TANC2: variants seen among roughly 807,000 people sequenced by gnomAD.
TANC2 encodes the protein protein TANC2.
In TANC2, 26 loss-of-function variants were observed where a neutral mutation model predicts 210.5. That is an observed-to-expected ratio of 0.12 (90% CI 0.09 to 0.17). TANC2 has a LOEUF of 0.17. Ranked by LOEUF, TANC2 falls within the 10% of genes least tolerant of loss-of-function variation. The pLI is 1.00. For synonymous variants in TANC2, 931 were observed against 967.1 expected, an observed-to-expected ratio of 0.96 and a Z score of 0.69; for missense variants, 2,129 against 2,608.9, an observed-to-expected ratio of 0.82 and a Z score of 4.01.
At chr17:63,022,042 T>A (rs1476372922) in intron 2 of TANC2, among the ~76,000 whole-genome samples, 1 of 152,044 alleles carries the variant, frequency 6.6e-6, no homozygotes, top group Non-Finnish European at 1.5e-5. Flanking sequence ...AAGGTGGAAT[T>A]TAAGAATGAC....
chr17:63,292,069 T>C (rs2044398300), intron 9 of TANC2, among the ~76,000 whole-genome samples: 1 of 152,170 alleles, frequency 6.6e-6, no homozygotes. Context: ...GCTTTAAACA[T>C]TTTAAGTTTG....
rs182755403 is a variant in TANC2 at position 63,048,520 on chromosome 17, C to T, written c.68-25423C>T. On this transcript the variant is annotated intron_variant, in intron 2 of 27. Coordinates refer to ENST00000689528, the Ensembl canonical transcript of TANC2. Reference sequence around the variant, plus strand: ...GGATCCAGTTTCAGTCTTCTTCATACGGCTAGCCAGTTATCCCAGTACCAT... The same window carrying T: ...GGATCCAGTTTCAGTCTTCTTCATATGGCTAGCCAGTTATCCCAGTACCAT... Among the ~76,000 whole-genome samples, 39 of 152,218 alleles carry T rather than the reference C, an allele frequency of 2.6e-4. No individual in the cohort carries two copies. In the South Asian group the frequency reaches 5.2e-3, roughly 20 times the overall value.
intron 5 of TANC2, among the ~76,000 whole-genome samples, chr17:63,183,084 C>G (rs2040846538): frequency 6.6e-6 from 1 of 151,682 alleles, no homozygotes; most frequent in Non-Finnish European, 1.5e-5. Context: ...TTTTTTTAAA[C>G]TTCAAAATAG....
intron 2 of TANC2, among the ~76,000 whole-genome samples, chr17:63,025,529 C>G (rs1347758145): frequency 1.3e-5 from 2 of 152,132 alleles, no homozygotes; most frequent in African/African-American, 2.4e-5. Flanking sequence ...GGCATGGTAG[C>G]TCACGCCTGT....
intron 2 of TANC2, among the ~76,000 whole-genome samples, chr17:63,012,170 C>T (rs1256589674): frequency 6.6e-6 from 1 of 151,976 alleles, no homozygotes; most frequent in Non-Finnish European, 1.5e-5. Flanking sequence ...GTGTACACCA[C>T]CACACCTAGC....
intron 10 of TANC2, 92 bp from the exon 11 acceptor site, chr17:63,318,865 A>T: frequency 7.0e-7 from 1 of 1,434,492 alleles, no homozygotes; most frequent in Non-Finnish European, 9.7e-7. Flanking sequence ...TAGGAGCAGA[A>T]TTGTTAGATC....
At chr17:63,355,880 T>C (rs569907868) in intron 14 of TANC2, among the ~76,000 whole-genome samples, 2 of 152,332 alleles carry the variant, frequency 1.3e-5, no homozygotes, top group Admixed American at 6.5e-5. Flanking sequence ...AAATACAATC[T>C]TAAACCTCCT....
At chr17:63,284,930 G>T (rs2044175143) in intron 9 of TANC2, among the ~76,000 whole-genome samples, 1 of 151,944 alleles carries the variant, frequency 6.6e-6, no homozygotes, top group Admixed American at 6.6e-5. Flanking sequence ...GTGTATTTAG[G>T]ACTGTTATGT....
At chr17:63,139,057 G>T (rs1270457256) in intron 4 of TANC2, among the ~76,000 whole-genome samples, 3 of 152,206 alleles carry the variant, frequency 2.0e-5, no homozygotes, top group Non-Finnish European at 4.4e-5. Flanking sequence ...TTTTTTAAGA[G>T]GAGACTGCTC....
chr17:63,225,370 C>A (rs114689306), intron 7 of TANC2, among the ~76,000 whole-genome samples: 8 of 152,216 alleles, frequency 5.3e-5, no homozygotes, highest in African/African-American at 1.9e-4. Context: ...TGTGTTTCAA[C>A]GGGTGTCATT....
chr17:63,232,456 T>G lies in TANC2; in HGVS notation c.770-5358T>G, dbSNP rs545441953. Reference sequence around the variant, plus strand: ...GGGTTTTTGTGGGGACATTTTTTGCTAATGCTGTTGTTGTTGCTTTCTGTT... The same window carrying G: ...GGGTTTTTGTGGGGACATTTTTTGCGAATGCTGTTGTTGTTGCTTTCTGTT... On this transcript the variant is annotated intron_variant, in intron 7 of 27. Coordinates refer to ENST00000689528, the Ensembl canonical transcript of TANC2. Among the ~76,000 whole-genome samples the G allele has an allele frequency of 3.7e-3, 571 of 152,374 alleles. 4 individuals are homozygous for G. Among genetic ancestry groups the G allele is most frequent in the African/African-American group, 0.013 (553 of 41,590 alleles).
At chr17:63,182,480 C>T (rs1254963065) in intron 5 of TANC2, 2 of 269,424 alleles carry the variant, frequency 7.4e-6, no homozygotes, top group Non-Finnish European at 1.5e-5. Flanking sequence ...CCTTCAGGGA[C>T]ATTTTTGGTG....
intron 2 of TANC2, among the ~76,000 whole-genome samples, chr17:63,015,060 GTAGA>G (rs1351101345): frequency 1.3e-5 from 2 of 151,732 alleles, no homozygotes; most frequent in East Asian, 1.9e-4. Context: ...GAATAATTGG[GTAGA>G]TACTTTATTC....
intron 4 of TANC2, among the ~76,000 whole-genome samples, chr17:63,132,059 C>T (rs1348179739): frequency 5.9e-5 from 9 of 152,184 alleles, no homozygotes; most frequent in Non-Finnish European, 2.9e-5. Context: ...TCCTCCTTAA[C>T]ATTTGTTGTT....
chr17:63,000,090 G>C (rs894556802), intron 1 of TANC2, among the ~76,000 whole-genome samples: 2 of 152,074 alleles, frequency 1.3e-5, no homozygotes, highest in African/African-American at 4.8e-5. Flanking sequence ...AGGATGGAGG[G>C]GTGTGGAAGG....
At chr17:63,299,535 T>G in intron 9 of TANC2, among the ~76,000 whole-genome samples, 1 of 93,070 alleles carries the variant, frequency 1.1e-5, no homozygotes, top group Admixed American at 1.0e-4. Context: ...GATGTTAAGC[T>G]TTTTTTTTTT....
chr17:63,087,006 T>G (rs190456165), intron 3 of TANC2, among the ~76,000 whole-genome samples: 2 of 152,238 alleles, frequency 1.3e-5, no homozygotes, highest in African/African-American at 2.4e-5. Context: ...CTGGCGTCCC[T>G]TTCTGTGCTG....
At chr17:63,348,969 A>T (rs2046506187) in intron 12 of TANC2, among the ~76,000 whole-genome samples, 1 of 152,192 alleles carries the variant, frequency 6.6e-6, no homozygotes, top group African/African-American at 2.4e-5. Flanking sequence ...TAGTAGCATT[A>T]GGAAATTATT....
intron 7 of TANC2, among the ~76,000 whole-genome samples, chr17:63,205,959 C>G (rs1369713734): frequency 6.6e-6 from 1 of 152,004 alleles, no homozygotes; most frequent in Non-Finnish European, 1.5e-5. Flanking sequence ...AATAATGTAT[C>G]TGATAAGGGA....
Sources: gnomAD v4.1 joint callset for allele counts (sites outside exome capture counted in the v4.1 genomes callset) on GRCh38, gnomAD v4.1.1 for gene constraint, MANE v1.5 for transcripts, NCBI Gene and HGNC (gene_info 2026-07-23, HGNC 2026-07-21) for gene names.